Variants in NCOR2 observed in about 807,000 individuals in gnomAD.
NCOR2 encodes the protein nuclear receptor corepressor 2.
A neutral mutation model predicts 262.9 loss-of-function variants in NCOR2; 81 were observed. The ratio of observed to expected loss-of-function variants is 0.31; its 90% CI spans 0.26 to 0.37. The LOEUF (loss-of-function observed/expected upper bound fraction) is 0.37. Ranked by LOEUF, NCOR2 falls within the 10% of genes least tolerant of loss-of-function variation. The probability of loss-of-function intolerance (pLI) is 1.00; values close to 1 mark genes in which losing one functional copy is unlikely to be tolerated. For missense variants in NCOR2, 3,385 were observed against 3,621.4 expected (o/e 0.93, Z 1.68); for synonymous variants, 1,659 against 1,559.3 (o/e 1.06, Z -1.51).
At chr12:124,455,305 T>C (rs2045782641) in intron 6 of NCOR2, among the ~76,000 whole-genome samples, 1 of 152,124 alleles carries the variant, frequency 6.6e-6, no homozygotes, top group Non-Finnish European at 1.5e-5. Flanking sequence ...TGCTGAAAAC[T>C]TCCCCAGATA....
rs372325371 is a variant in NCOR2 at position 124,348,314 on chromosome 12, C to A, written c.3845G>T (p.Gly1282Val). Residue 1282 changes from glycine (G) to valine (V), a missense_variant and splice_region_variant, in exon 29 of 47, where the codon GGT becomes GTT. This residue lies in a region of NCOR2 where 1,615 missense variants were observed against 1,626.9 expected (regional missense o/e 0.99). Transcript: ENST00000405201. ...GGAGCACTGGGTCACAGACATGCCA[C>A]CTGGAAACCACACAAAGCACTCGGT... 415 of 1,604,784 alleles carry A rather than the reference C, an allele frequency of 2.6e-4. 2 individuals carry two copies. The South Asian group carries it at 2.9e-3, about 11-fold the overall frequency.
intron 1 of NCOR2, among the ~76,000 whole-genome samples, chr12:124,501,552 C>T (rs1190765416): frequency 6.6e-6 from 1 of 152,178 alleles, no homozygotes; most frequent in African/African-American, 2.4e-5. Context: ...CGGCAACCCC[C>T]GGTGTTCCCT....
chr12:124,400,405 T>G, intron 15 of NCOR2, 96 bp downstream of exon 17: 1 of 1,505,196 alleles, frequency 6.6e-7, no homozygotes. Flanking sequence ...CCCTTGGCTG[T>G]TGCCAATTAA....
Position 124,551,219 on chromosome 12 carries a change from T to C in NCOR2, c.-164-15608A>G, listed in dbSNP as rs80264347. 5.7e-3 allele frequency among the ~76,000 whole-genome samples: 866 copies of C among 152,322 alleles called. 5 individuals carry two copies. Among genetic ancestry groups the C allele is most frequent in the African/African-American group, 0.019 (803 of 41,568 alleles). ...ATAAGGTGCATGAGAACAAAGTGTC[T>C]GGAACCACTCAGGTCTGCCGCTTGT... On this transcript the variant is annotated intron_variant, in intron 1 of 32. Coordinates refer to the NCOR2 transcript ENST00000458234.
intron 43 of NCOR2, 144 bp from the exon 46 acceptor site, chr12:124,331,042 C>A: frequency 1.6e-5 from 11 of 674,252 alleles, no homozygotes; most frequent in Admixed American, 2.9e-5. Context: ...AGGCCTGGGA[C>A]AGGGCCAAGC....
intron 1 of NCOR2, among the ~76,000 whole-genome samples, chr12:124,555,080 CTG>C (rs1594066980): frequency 6.6e-6 from 1 of 152,234 alleles, no homozygotes; most frequent in East Asian, 1.9e-4. Flanking sequence ...AGCTTAGGAG[CTG>C]TGTGTCCTGA....
chr12:124,547,588 G>A (rs1451306257), intron 1 of NCOR2, among the ~76,000 whole-genome samples: 5 of 152,158 alleles, frequency 3.3e-5, no homozygotes, highest in East Asian at 3.8e-4. Flanking sequence ...AGTGCTGTGC[G>A]ACCATCACCT....
At chr12:124,334,447 G>A in exon 41 of NCOR2, 1 of 1,501,024 alleles carries the variant, frequency 6.7e-7, no homozygotes, top group Non-Finnish European at 8.9e-7. Flanking sequence ...CGCTGTGGGG[G>A]GAGCCACGGG....
chr12:124,403,699 G>A (rs1419953833), intron 13 of NCOR2, among the ~76,000 whole-genome samples: 4 of 152,196 alleles, frequency 2.6e-5, no homozygotes, highest in Non-Finnish European at 4.4e-5. Context: ...AGGAGGGATC[G>A]GGGAGGTGAG....
intron 1 of NCOR2, among the ~76,000 whole-genome samples, chr12:124,515,792 ATG>A (rs2049726664): frequency 2.0e-5 from 3 of 151,218 alleles, no homozygotes; most frequent in South Asian, 4.1e-4. Context: ...ATGTGTGTGC[ATG>A]TGTGAGTGTG....
intron 8 of NCOR2, among the ~76,000 whole-genome samples, chr12:124,437,630 G>T (rs894958555): frequency 3.3e-5 from 5 of 152,182 alleles, no homozygotes; most frequent in African/African-American, 1.2e-4. Context: ...GAAAAGCCCA[G>T]GACAGGTCCC....
intron 1 of NCOR2, among the ~76,000 whole-genome samples, chr12:124,561,456 A>G (rs1275925820): frequency 1.3e-5 from 2 of 152,222 alleles, no homozygotes; most frequent in African/African-American, 2.4e-5. Flanking sequence ...TTAATACCCA[A>G]TGCCCCACGT....
intron 1 of NCOR2, among the ~76,000 whole-genome samples, chr12:124,506,594 G>A (rs71458848): frequency 1.6e-4 from 24 of 150,478 alleles, no homozygotes; most frequent in African/African-American, 5.1e-4. Context: ...AGCCCTGCAC[G>A]GGGAGCGGCC....
chr12:124,419,908 G>A (rs1324004378), intron 13 of NCOR2, 49 bp downstream of exon 15: 3 of 1,543,840 alleles, frequency 1.9e-6, no homozygotes, highest in East Asian at 2.2e-5. Flanking sequence ...AGTGGCCGCT[G>A]AGCATGCAGG....
intron 22 of NCOR2, among the ~76,000 whole-genome samples, chr12:124,360,337 C>T (rs972018823): frequency 5.3e-5 from 8 of 152,258 alleles, no homozygotes; most frequent in Non-Finnish European, 1.0e-4. Flanking sequence ...CCGGGTTCAA[C>T]GCCCCACTGG....
At chr12:124,526,342 G>C (rs1410823147) in intron 1 of NCOR2, among the ~76,000 whole-genome samples, 1 of 152,204 alleles carries the variant, frequency 6.6e-6, no homozygotes, top group Non-Finnish European at 1.5e-5. Flanking sequence ...CCACGGCCCA[G>C]CAACGCAGGC....
intron 23 of NCOR2, among the ~76,000 whole-genome samples, chr12:124,356,125 G>A (rs191432477): frequency 4.3e-4 from 65 of 152,268 alleles, no homozygotes; most frequent in South Asian, 1.2e-3. Flanking sequence ...TTGCTGTTCC[G>A]TCTGCCTGGC....
intron 1 of NCOR2, among the ~76,000 whole-genome samples, chr12:124,524,692 A>T (rs966675572): frequency 6.6e-6 from 1 of 152,184 alleles, no homozygotes. Context: ...ACAACTCAGG[A>T]GCCCTAACTA....
At chr12:124,400,540 T>TGTTGGCCTC in exon 15 of NCOR2, 2 of 1,614,206 alleles carry the variant, frequency 1.2e-6, no homozygotes, top group Non-Finnish European at 1.7e-6. Context: ...GCCTCCTCGC[T>TGTTGGCCTC]GTTGGCCTCA....
Sources: allele counts gnomAD v4.1 joint callset (sites outside exome capture counted in the v4.1 genomes callset), GRCh38; gene constraint gnomAD v4.1.1; regional missense constraint gnomAD v4.1.1; transcripts MANE v1.5; gene names NCBI Gene and HGNC (gene_info 2026-07-23, HGNC 2026-07-21).